MAP2K1: variants seen among roughly 807,000 people sequenced by gnomAD.
MAP2K1 encodes the protein mitogen-activated protein kinase kinase 1.
Under a neutral mutation model 46.3 loss-of-function variants are expected in MAP2K1, and 16 were observed. That is an observed-to-expected ratio of 0.35 (90% CI 0.23 to 0.52). The LOEUF (loss-of-function observed/expected upper bound fraction) is 0.52. MAP2K1 is among the 20% of genes least tolerant of loss of function. The pLI is 0.94. For synonymous variants in MAP2K1, 183 were observed against 185.6 expected (o/e 0.99, Z 0.11); for missense variants, 263 against 497.1 (o/e 0.53, Z 4.48).
chr15:66,415,389 T>C (rs779262770), intron 1 of MAP2K1, among the ~76,000 whole-genome samples: 17 of 152,210 alleles, frequency 1.1e-4, no homozygotes, highest in Non-Finnish European at 2.1e-4. Flanking sequence ...CCAAATTCTT[T>C]ATTATACAAC....
intron 1 of MAP2K1, among the ~76,000 whole-genome samples, chr15:66,398,474 A>G (rs2093373546): frequency 6.6e-6 from 1 of 151,794 alleles, no homozygotes; most frequent in African/African-American, 2.4e-5. Flanking sequence ...ATAGGAGACT[A>G]AGGAGACATA....
chr15:66,395,969 C>T (rs2093366576), intron 1 of MAP2K1, among the ~76,000 whole-genome samples: 3 of 152,152 alleles, frequency 2.0e-5, no homozygotes, highest in Non-Finnish European at 2.9e-5. Flanking sequence ...CCACCGTCTG[C>T]TGTGGGGCCT....
At chr15:66,469,451 C>A (rs1316048822) in intron 5 of MAP2K1, among the ~76,000 whole-genome samples, 1 of 143,320 alleles carries the variant, frequency 7.0e-6, no homozygotes, top group African/African-American at 2.6e-5. Flanking sequence ...GGTTTCTCCC[C>A]CAAAGGGAGT....
chr15:66,484,362 G>A (rs1006149881), intron 6 of MAP2K1, among the ~76,000 whole-genome samples: 15 of 151,842 alleles, frequency 9.9e-5, no homozygotes, highest in Admixed American at 8.5e-4. Flanking sequence ...TGGCCAGGCT[G>A]GTCTCGAACT....
chr15:66,469,150 G>A (rs974691417), intron 5 of MAP2K1, among the ~76,000 whole-genome samples: 35 of 151,502 alleles, frequency 2.3e-4, no homozygotes, highest in South Asian at 6.2e-4. Flanking sequence ...CAGCTACTCC[G>A]GAGGCTGAGG....
chr15:66,490,752 A>C lies in MAP2K1; in HGVS notation c.*137A>C, dbSNP rs1240035768. The C allele has an allele frequency of 1.4e-6, 1 of 726,132 alleles. No homozygotes were observed. The highest frequency in any genetic ancestry group is 2.5e-6 in the Non-Finnish European group (1 of 397,354). 45.0% of individuals were successfully genotyped at this position (726,132 alleles called of 1,614,324 possible). ...AGGATGAAGAACACAGCATGTGCCA[A>C]GATTCTACTCTTGTCATTTTTAATA... On this transcript the variant is annotated 3_prime_UTR_variant, in exon 11 of 11. Coordinates refer to ENST00000307102, the MANE Select transcript of MAP2K1 (RefSeq NM_002755.4).
intron 1 of MAP2K1, among the ~76,000 whole-genome samples, chr15:66,400,878 G>A (rs1269682509): frequency 6.6e-6 from 1 of 152,164 alleles, no homozygotes; most frequent in Admixed American, 6.5e-5. Context: ...AATGGACAAG[G>A]TAGAAAGACC....
intron 5 of MAP2K1, among the ~76,000 whole-genome samples, chr15:66,453,852 A>T (rs1296479212): frequency 6.6e-6 from 1 of 152,036 alleles, no homozygotes; most frequent in Non-Finnish European, 1.5e-5. Context: ...GGCTTGGAGT[A>T]CAGTGGTGCA....
chr15:66,448,816 A>C (rs1426642396), intron 5 of MAP2K1, among the ~76,000 whole-genome samples: 1 of 152,108 alleles, frequency 6.6e-6, no homozygotes, highest in Non-Finnish European at 1.5e-5. Context: ...AGCCTGGCCA[A>C]CATGGTGAAA....
chr15:66,461,852 TC>T (rs1325177177), intron 5 of MAP2K1, among the ~76,000 whole-genome samples: 2 of 152,160 alleles, frequency 1.3e-5, no homozygotes, highest in Non-Finnish European at 2.9e-5. Context: ...TCCTGGGTGA[TC>T]CTGGCAGAGT....
At chr15:66,482,979 C>T (rs185757872) in intron 6 of MAP2K1, among the ~76,000 whole-genome samples, 16 of 152,216 alleles carry the variant, frequency 1.1e-4, no homozygotes, top group Admixed American at 3.9e-4. Flanking sequence ...TGTCATGTCC[C>T]TGGAAGGTCT....
intron 5 of MAP2K1, among the ~76,000 whole-genome samples, chr15:66,471,938 G>A (rs377761173): frequency 2.6e-4 from 40 of 152,014 alleles, no homozygotes; most frequent in Middle Eastern, 3.4e-3. Context: ...TTAGCTAGGC[G>A]TGGTGGCAGG....
At chr15:66,392,409 G>A (rs1342504539) in intron 1 of MAP2K1, among the ~76,000 whole-genome samples, 4 of 150,834 alleles carry the variant, frequency 2.7e-5, no homozygotes, top group Non-Finnish European at 4.4e-5. Context: ...GAACTCTTGG[G>A]CTCAAGCGAT....
chr15:66,415,314 C>G (rs1397987899), intron 1 of MAP2K1: 1 of 316,838 alleles, frequency 3.2e-6, no homozygotes, highest in African/African-American at 2.3e-5. Flanking sequence ...AACAAAGACA[C>G]TCCTATTACT....
chr15:66,469,203 C>T (rs1479879597), intron 5 of MAP2K1, among the ~76,000 whole-genome samples: 2 of 152,028 alleles, frequency 1.3e-5, no homozygotes, highest in Non-Finnish European at 2.9e-5. Context: ...TTGCAGTGAG[C>T]CGAGACCGTG....
chr15:66,456,054 C>T (rs1892158509), intron 5 of MAP2K1, among the ~76,000 whole-genome samples: 1 of 152,132 alleles, frequency 6.6e-6, no homozygotes, highest in African/African-American at 2.4e-5. Context: ...GGTATATGCT[C>T]CTCCGTGTCT....
At chr15:66,447,667 G>C (rs1465532320) in intron 5 of MAP2K1, among the ~76,000 whole-genome samples, 2 of 145,618 alleles carry the variant, frequency 1.4e-5, no homozygotes, top group African/African-American at 5.1e-5. Flanking sequence ...CTCTAGCCTG[G>C]GCGACAGAGA....
At chr15:66,437,445 A>G (rs2093491347) in intron 3 of MAP2K1, among the ~76,000 whole-genome samples, 1 of 152,214 alleles carries the variant, frequency 6.6e-6, no homozygotes, top group Admixed American at 6.5e-5. Context: ...TTCAGATATA[A>G]GTCTTCCAAC....
At chr15:66,434,716 C>T (rs938248900) in intron 1 of MAP2K1, among the ~76,000 whole-genome samples, 9 of 152,134 alleles carry the variant, frequency 5.9e-5, no homozygotes, top group African/African-American at 1.4e-4. Context: ...TAAGGTGGCT[C>T]ATTCTGGATT....
Sources: allele counts gnomAD v4.1 joint callset (sites outside exome capture counted in the v4.1 genomes callset), GRCh38; gene constraint gnomAD v4.1.1; transcripts MANE v1.5; gene names NCBI Gene and HGNC (gene_info 2026-07-23, HGNC 2026-07-21).